The following VCL variants were observed in gnomAD, a reference collection of about 807,000 sequenced individuals.
VCL encodes the protein vinculin, also known as epididymis luminal protein 114.
Under a neutral mutation model 125.7 loss-of-function variants are expected in VCL, and 47 were observed. The observed-to-expected ratio is 0.37, with a 90% CI of 0.30 to 0.48. VCL has a LOEUF of 0.48. VCL is among the 20% of genes least tolerant of loss of function. The probability of loss-of-function intolerance (pLI) is 0.99; values close to 1 mark genes in which losing one functional copy is unlikely to be tolerated. For missense variants in VCL, 1,069 were observed against 1,455.5 expected (o/e 0.73, Z 4.32); for synonymous variants, 458 against 514.6 (o/e 0.89, Z 1.49).
intron 1 of VCL, among the ~76,000 whole-genome samples, chr10:74,035,450 G>C (rs1395493325): frequency 6.6e-6 from 1 of 152,094 alleles, no homozygotes; most frequent in African/African-American, 2.4e-5. Flanking sequence ...CTCTTCAAAA[G>C]AAACAGAGCT....
chr10:74,113,248 G>C (rs1033986333), intron 19 of VCL, among the ~76,000 whole-genome samples: 2 of 152,188 alleles, frequency 1.3e-5, no homozygotes, highest in African/African-American at 4.8e-5. Context: ...TTTCATGAGA[G>C]GGCACAGAAT....
At chr10:74,074,216 C>T (rs1008314254) in intron 5 of VCL, among the ~76,000 whole-genome samples, 3 of 152,166 alleles carry the variant, frequency 2.0e-5, no homozygotes, top group African/African-American at 7.2e-5. Flanking sequence ...GGATTACAGG[C>T]GTGAGCCACC....
intron 21 of VCL, among the ~76,000 whole-genome samples, chr10:74,116,701 AT>A (rs202014027): frequency 0.012 from 1,880 of 150,844 alleles, 47 homozygotes; most frequent in African/African-American, 0.044. Context: ...AAAAAAAATA[AT>A]AATAAAATAA....
At chr10:74,086,121 C>G (rs946525602) in intron 8 of VCL, among the ~76,000 whole-genome samples, 5 of 152,310 alleles carry the variant, frequency 3.3e-5, no homozygotes, top group African/African-American at 1.2e-4. Flanking sequence ...CCTGCTGCGG[C>G]CTCCCAAAGT....
At chr10:74,099,972 A>G (rs1390162777) in intron 13 of VCL, among the ~76,000 whole-genome samples, 2 of 152,258 alleles carry the variant, frequency 1.3e-5, no homozygotes, top group Non-Finnish European at 2.9e-5. Flanking sequence ...GAGATTGTCT[A>G]GAGCCAGAAC....
chr10:74,055,530 AT>A (rs969578047), intron 2 of VCL, among the ~76,000 whole-genome samples: 104 of 143,838 alleles, frequency 7.2e-4, no homozygotes, highest in East Asian at 2.0e-3. Context: ...GAAAAAAAAA[AT>A]TTTTTTTTTT....
chr10:74,036,271 C>T (rs140055821), intron 1 of VCL, among the ~76,000 whole-genome samples: 20 of 152,102 alleles, frequency 1.3e-4, no homozygotes, highest in Non-Finnish European at 2.1e-4. Context: ...GGCACGATCT[C>T]GGCTCACTGC....
At chr10:74,108,834 C>A in intron 17 of VCL, 137 bp from the exon 18 acceptor site, 1 of 923,012 alleles carries the variant, frequency 1.1e-6, no homozygotes, top group Non-Finnish European at 1.7e-6. Flanking sequence ...GCAGGTGGTC[C>A]TTGTGGCTCA....
rs1839956746 is a variant in VCL at position 74,095,682 on chromosome 10, G to A, written c.1570G>A (p.Ala524Thr). The A allele has an allele frequency of 6.2e-7, 1 of 1,614,098 alleles. No homozygotes were observed. The highest frequency in any genetic ancestry group is 1.1e-5 in the South Asian group (1 of 91,074). The part of the protein sequence containing the change: ...VGQAAIRGLV[A>T]EGHRLANVMM... The stretch of plus-strand genomic sequence containing the variant: ...TCAGGCTGCCATCCGGGGGCTTGTG[G>A]CCGAAGGGCATCGTCTGGCTAATGT... Residue 524 changes from alanine to threonine, a missense_variant, in exon 12 of 22, where the codon GCC (alanine) becomes ACC (threonine). Around this residue, in one of 6 missense-constraint regions of VCL, gnomAD observed 760 missense variants for 928.9 expected, o/e 0.82. Transcript: ENST00000211998.
intron 1 of VCL, among the ~76,000 whole-genome samples, chr10:74,025,704 A>AAGGAAGGG (rs1231977702): frequency 8.2e-6 from 1 of 121,334 alleles, no homozygotes; most frequent in Non-Finnish European, 1.7e-5. Flanking sequence ...GGGAGGAAGG[A>AAGGAAGGG]AGGGAGGGAG....
chr10:74,048,937 T>C (rs753516678), intron 2 of VCL, among the ~76,000 whole-genome samples: 7 of 151,902 alleles, frequency 4.6e-5, no homozygotes, highest in Admixed American at 1.3e-4. Flanking sequence ...TGAAACCCCG[T>C]CTCTACTAAA....
intron 18 of VCL, 44 bp downstream of exon 18, chr10:74,109,200 G>C: frequency 6.2e-7 from 1 of 1,610,962 alleles, no homozygotes; most frequent in African/African-American, 1.3e-5. Flanking sequence ...TGTCTTCTCG[G>C]AAAGGATGAA....
intron 1 of VCL, among the ~76,000 whole-genome samples, chr10:74,037,226 C>A (rs569262064): frequency 1.3e-5 from 2 of 152,262 alleles, no homozygotes; most frequent in African/African-American, 4.8e-5. Context: ...GCTGACTGTT[C>A]TACTCTATTT....
At chr10:74,033,062 T>C (rs990878311) in intron 1 of VCL, among the ~76,000 whole-genome samples, 3 of 152,196 alleles carry the variant, frequency 2.0e-5, no homozygotes, top group African/African-American at 7.2e-5. Context: ...AACATGTTCA[T>C]ACAAAACCTT....
chr10:74,061,546 G>A (rs1206986692), intron 2 of VCL, among the ~76,000 whole-genome samples: 2 of 152,082 alleles, frequency 1.3e-5, no homozygotes, highest in Non-Finnish European at 2.9e-5. Flanking sequence ...AGTTGGTGAT[G>A]CTTTTGTTTG....
At chr10:73,999,682 T>G (rs534858222) in intron 1 of VCL, among the ~76,000 whole-genome samples, 1 of 152,148 alleles carries the variant, frequency 6.6e-6, no homozygotes, top group Non-Finnish European at 1.5e-5. Context: ...TCCTCAGTCT[T>G]CAGGGGTCCC....
intron 1 of VCL, among the ~76,000 whole-genome samples, chr10:74,004,695 ATTTCT>A (rs71524369): frequency 2.7e-5 from 4 of 150,246 alleles, no homozygotes; most frequent in East Asian, 2.0e-4. Flanking sequence ...ATTTCATAGC[ATTTCT>A]TTTCTTTTCT....
chr10:74,081,158 A>T (rs1192475310), intron 6 of VCL, among the ~76,000 whole-genome samples: 1 of 151,980 alleles, frequency 6.6e-6, no homozygotes. Context: ...CTTCTTTTTC[A>T]TTGCTATAGC....
At chr10:74,058,473 C>CAT (rs1378106715) in intron 2 of VCL, among the ~76,000 whole-genome samples, 9 of 152,218 alleles carry the variant, frequency 5.9e-5, no homozygotes, top group Non-Finnish European at 1.0e-4. Context: ...GCAAACAATG[C>CAT]ATCTTTTTGA....
Sources: gnomAD v4.1 joint callset for allele counts (sites outside exome capture counted in the v4.1 genomes callset) on GRCh38, gnomAD v4.1.1 for gene constraint, gnomAD v4.1.1 regional missense constraint, MANE v1.5 for transcripts, NCBI Gene and HGNC (gene_info 2026-07-23, HGNC 2026-07-21) for gene names.